Variants in DPPA3 observed in about 807,000 individuals in gnomAD.
DPPA3 encodes developmental pluripotency-associated protein 3.
A neutral mutation model predicts 15.6 loss-of-function variants in DPPA3; 9 were observed. The ratio of observed to expected loss-of-function variants is 0.58; its 90% CI spans 0.35 to 1.01. The LOEUF (loss-of-function observed/expected upper bound fraction) is 1.01, where lower values mean the gene tolerates loss of function less well. DPPA3 is among the 50% of genes least tolerant of loss of function. DPPA3 has a pLI of 0.02. For synonymous variants in DPPA3, 61 were observed against 70.9 expected, an observed-to-expected ratio of 0.86 and a Z score of 0.70; for missense variants, 148 against 194.6, an observed-to-expected ratio of 0.76 and a Z score of 1.42.
chr12:7,711,769 G>A (rs1864347816), intron 1 of DPPA3, 117 bp downstream of exon 1: 1 of 832,874 alleles, frequency 1.2e-6, no homozygotes, highest in Non-Finnish European at 1.7e-6. Context: ...TTCAGTCTTT[G>A]CAAGAGGAAT....
chr12:7,715,064 C>A (rs1864382614), intron 1 of DPPA3, 119 bp from the exon 2 acceptor site: 1 of 1,460,884 alleles, frequency 6.8e-7, no homozygotes, highest in Non-Finnish European at 9.4e-7. Context: ...TTTACTGTGA[C>A]CTTCCACCCT....
chr12:7,711,907 T>C (rs1334884614), intron 1 of DPPA3, among the ~76,000 whole-genome samples: 1 of 122,660 alleles, frequency 8.2e-6, no homozygotes, highest in East Asian at 2.1e-4. Flanking sequence ...TTCAGATTTC[T>C]TTCTTTTTTT....
At chr12:7,716,916 T>C in intron 3 of DPPA3, 51 bp from the exon 4 acceptor site, 1 of 1,486,146 alleles carries the variant, frequency 6.7e-7, no homozygotes, top group Non-Finnish European at 9.4e-7. Flanking sequence ...GCTTATTACA[T>C]TTCTCTGGGG....
At chr12:7,712,372 G>C (rs1864354823) in intron 1 of DPPA3, among the ~76,000 whole-genome samples, 1 of 151,484 alleles carries the variant, frequency 6.6e-6, no homozygotes, top group South Asian at 2.1e-4. Context: ...CAAAAGATAG[G>C]GAAAAAAAAT....
chr12:7,713,464 A>C (rs1464759481), intron 1 of DPPA3, among the ~76,000 whole-genome samples: 1 of 152,226 alleles, frequency 6.6e-6, no homozygotes, highest in Non-Finnish European at 1.5e-5. Flanking sequence ...TCGAACTTTG[A>C]TATTGTTTAA....
Position 7,711,664 on chromosome 12 carries a change from A to G in DPPA3, c.82+12A>G. ...CCGGGACGATTCAGGTAAGCCAGATAATGCCCTTCTTGACTATCTGACTAT... is the reference window on the plus strand; with the variant it reads ...CCGGGACGATTCAGGTAAGCCAGATGATGCCCTTCTTGACTATCTGACTAT... On this transcript the variant is annotated intron_variant, in intron 1 of 3. Transcript: ENST00000345088. The G allele has an allele frequency of 6.2e-7, 1 of 1,600,886 alleles. No homozygotes were observed. The highest frequency in any genetic ancestry group is 1.4e-5 in the African/African-American group (1 of 73,830).
Position 7,717,275 on chromosome 12 carries a change from T to G in DPPA3, c.*198T>G. 1 of 516,180 alleles carries G rather than the reference T, an allele frequency of 1.9e-6. No individual in the cohort carries two copies. The highest frequency in any genetic ancestry group is 3.4e-6 in the Non-Finnish European group (1 of 290,874). The allele number at this position is 516,180 out of a possible 1,614,324, so 32.0% of individuals were successfully genotyped here. A position where few individuals can be genotyped will look rare whatever the true frequency, so the allele number is the denominator to read the frequency against. On this transcript the variant is annotated 3_prime_UTR_variant, in exon 4 of 4. Coordinates refer to ENST00000345088, the MANE Select transcript of DPPA3 (RefSeq NM_199286.4). ...GTAATCTGAATGTATTTGAATAACT[T>G]TAGCTCTACTGTTTGATTTGACCCA...
intron 3 of DPPA3, 128 bp from the exon 4 acceptor site, chr12:7,716,839 G>T: frequency 2.4e-6 from 2 of 846,864 alleles, no homozygotes; most frequent in Non-Finnish European, 3.8e-6. Context: ...CTTTTGGCCC[G>T]TGTGTCCTTT....
At chr12:7,715,094 G>T (rs935723209) in intron 1 of DPPA3, 89 bp from the exon 2 acceptor site, 127 of 1,576,470 alleles carry the variant, frequency 8.1e-5, no homozygotes, top group Non-Finnish European at 1.1e-4. Context: ...CCCACACAGC[G>T]CCCTGTTCCC....
intron 2 of DPPA3, among the ~76,000 whole-genome samples, chr12:7,715,815 C>T (rs1341945474): frequency 6.6e-6 from 1 of 151,850 alleles, no homozygotes; most frequent in Non-Finnish European, 1.5e-5. Context: ...AGACTCCCAG[C>T]TCACGTCTGT....
chr12:7,715,958 G>A (rs897248993), intron 2 of DPPA3, among the ~76,000 whole-genome samples: 1 of 151,980 alleles, frequency 6.6e-6, no homozygotes, highest in African/African-American at 2.4e-5. Flanking sequence ...GTGTAGTGGT[G>A]CGTGCCTGTA....
chr12:7,716,064 C>T, intron 2 of DPPA3, 134 bp from the exon 3 acceptor site: 1 of 769,390 alleles, frequency 1.3e-6, no homozygotes, highest in Non-Finnish European at 2.1e-6. Flanking sequence ...GATTGCTCCA[C>T]TGCAATCCAG....
chr12:7,712,440 CCAA>C (rs1214876109), intron 1 of DPPA3, among the ~76,000 whole-genome samples: 1 of 151,774 alleles, frequency 6.6e-6, no homozygotes, highest in Non-Finnish European at 1.5e-5. Flanking sequence ...TAATCTCTCG[CCAA>C]CATTATTTTT....
intron 1 of DPPA3, among the ~76,000 whole-genome samples, chr12:7,713,077 CCTTT>C: frequency 6.6e-6 from 1 of 152,338 alleles, no homozygotes; most frequent in East Asian, 1.9e-4. Flanking sequence ...GTGGAGAACT[CCTTT>C]CTTACAGCAG....
chr12:7,711,720 C>CTTTTTTTTTTTTTTTTTTTT (rs3069565), intron 1 of DPPA3, 68 bp downstream of exon 1: 1 of 321,022 alleles, frequency 3.1e-6, no homozygotes, highest in African/African-American at 4.4e-5. Flanking sequence ...AGGCTGCCGT[C>CTTTTTTTTTTTTTTTTTTTT]TTTTTTTTTT....
At chr12:7,714,262 G>A (rs1864374763) in intron 1 of DPPA3, among the ~76,000 whole-genome samples, 1 of 135,806 alleles carries the variant, frequency 7.4e-6, no homozygotes, top group South Asian at 2.2e-4. Context: ...TAGAAAACAA[G>A]GGATTACAGT....
chr12:7,713,085 AC>A (rs1287171692), intron 1 of DPPA3, among the ~76,000 whole-genome samples: 5 of 152,152 alleles, frequency 3.3e-5, no homozygotes, highest in African/African-American at 7.2e-5. Flanking sequence ...CTCCTTTCTT[AC>A]AGCAGCACCC....
chr12:7,715,264 C>T lies in DPPA3; in HGVS notation c.164C>T (p.Pro55Leu). 1.9e-6 allele frequency: 3 copies of T among 1,613,890 alleles called. No individual in the cohort carries two copies. The highest frequency in any genetic ancestry group is 2.5e-6 in the Non-Finnish European group (3 of 1,179,866). The change falls in exon 2 of 4, where the codon CCT becomes CTT. Residue 55 changes from proline (P) to leucine (L), a missense_variant. By Grantham distance (98) the Pro-to-Leu change is moderately conservative. Coordinates refer to ENST00000345088, the MANE Select transcript of DPPA3 (RefSeq NM_199286.4). ...TINASSESVS[P>L]LSEALLRRES... ...AACGCTAGTAGCGAATCTGTTTCCC[C>T]TCTATCGGAAGCTTTACTCCGTCGA...
rs1220845780 is a variant in DPPA3 at position 7,711,657 on chromosome 12, G to A, written c.82+5G>A. On this transcript the variant is annotated splice_donor_5th_base_variant and intron_variant, in intron 1 of 3. Transcript: ENST00000345088. The stretch of plus-strand genomic sequence containing the variant: ...AAAATTCCCGGGACGATTCAGGTAA[G>A]CCAGATAATGCCCTTCTTGACTATC... The A allele has an allele frequency of 7.7e-6, 12 of 1,556,864 alleles. No homozygotes were observed. Among genetic ancestry groups the A allele is most frequent in the South Asian group, 1.1e-5 (1 of 89,966 alleles).
Sources: allele counts gnomAD v4.1 joint callset (sites outside exome capture counted in the v4.1 genomes callset), GRCh38; gene constraint gnomAD v4.1.1; transcripts MANE v1.5; gene names NCBI Gene and HGNC (gene_info 2026-07-23, HGNC 2026-07-21).